Variants in NRG1 observed in about 807,000 individuals in gnomAD.
NRG1 encodes neuregulin 1.
A neutral mutation model predicts 63.8 loss-of-function variants in NRG1; 18 were observed. The observed-to-expected ratio is 0.28, with a 90% confidence interval of 0.19 to 0.42. The LOEUF is 0.42. NRG1 is among the 10% of genes least tolerant of loss of function. The pLI is 1.00. For synonymous variants in NRG1, 302 were observed against 301.3 expected, an observed-to-expected ratio of 1.00 and a Z score of -0.02; for missense variants, 762 against 814.7, an observed-to-expected ratio of 0.94 and a Z score of 0.79.
intron 7 of NRG1, among the ~76,000 whole-genome samples, chr8:32,748,396 G>GAGAGAT (rs1827986548): frequency 1.4e-5 from 2 of 147,030 alleles, no homozygotes; most frequent in East Asian, 2.1e-4. Context: ...GAGAGAGAGA[G>GAGAGAT]ATAAAGGAAG....
chr8:32,342,987 T>C, intron 1 of NRG1, among the ~76,000 whole-genome samples: 1 of 152,184 alleles, frequency 6.6e-6, no homozygotes, highest in East Asian at 1.9e-4. Context: ...CAAGTTGTCT[T>C]CCAGAAGTGT....
At chr8:32,563,674 A>T (rs957691809) in intron 1 of NRG1, among the ~76,000 whole-genome samples, 4 of 151,984 alleles carry the variant, frequency 2.6e-5, no homozygotes, top group Non-Finnish European at 5.9e-5. Flanking sequence ...TTTCAGAATA[A>T]TTTTTCCTCA....
chr8:32,185,874 T>C (rs1390515482), intron 1 of NRG1, among the ~76,000 whole-genome samples: 1 of 152,240 alleles, frequency 6.6e-6, no homozygotes, highest in East Asian at 1.9e-4. Context: ...TAAAAGTTAC[T>C]GAGTTTAATT....
rs372568144 is a variant in NRG1 at position 32,649,479 on chromosome 8, G to T, written c.502+32594G>T. Among the ~76,000 whole-genome samples the T allele has an allele frequency of 3.9e-5, 6 of 152,232 alleles. No individual in the cohort carries two copies. In the South Asian group the frequency reaches 1.2e-3, roughly 32 times the overall value. On this transcript the variant is annotated intron_variant, in intron 5 of 11. Coordinates refer to ENST00000356819, the Ensembl canonical transcript of NRG1. ...AGAAAAGTACAAGATCAGAAAATTT[G>T]GTTCTTAATAACTTGCATGAAAGCT...
intron 1 of NRG1, among the ~76,000 whole-genome samples, chr8:32,176,855 T>G (rs1271993002): frequency 7.2e-5 from 11 of 151,870 alleles, no homozygotes; most frequent in African/African-American, 2.7e-4. Context: ...TGTGGAGAAA[T>G]AGGAACACTT....
At chr8:31,833,456 C>T (rs1825367634) in intron 1 of NRG1, among the ~76,000 whole-genome samples, 1 of 152,184 alleles carries the variant, frequency 6.6e-6, no homozygotes, top group Admixed American at 6.5e-5. Flanking sequence ...AAGAACATCC[C>T]TGCAAAATTA....
intron 1 of NRG1, among the ~76,000 whole-genome samples, chr8:32,523,488 T>C (rs1399589734): frequency 6.6e-6 from 1 of 152,220 alleles, no homozygotes; most frequent in Non-Finnish European, 1.5e-5. Flanking sequence ...ACTTCTTTAG[T>C]GGTAATTTCT....
chr8:32,218,028 A>G (rs1056515754), intron 1 of NRG1, among the ~76,000 whole-genome samples: 2 of 152,196 alleles, frequency 1.3e-5, no homozygotes, highest in African/African-American at 4.8e-5. Flanking sequence ...TGTATACCTT[A>G]CCACCTATTT....
At chr8:32,472,846 C>A (rs950740730) in intron 1 of NRG1, among the ~76,000 whole-genome samples, 5 of 152,180 alleles carry the variant, frequency 3.3e-5, no homozygotes, top group Non-Finnish European at 7.3e-5. Context: ...GGAGTGGCAG[C>A]CATCTGGTGA....
At chr8:31,688,408 A>G (rs549334626) in intron 1 of NRG1, among the ~76,000 whole-genome samples, 41 of 152,290 alleles carry the variant, frequency 2.7e-4, no homozygotes, top group South Asian at 1.7e-3. Flanking sequence ...CCCTCACTCA[A>G]TCTGCTGGTA....
intron 1 of NRG1, among the ~76,000 whole-genome samples, chr8:32,339,228 G>A (rs1018426346): frequency 6.6e-6 from 1 of 151,936 alleles, no homozygotes; most frequent in African/African-American, 2.4e-5. Context: ...ATACACCCAT[G>A]GTGCATATTG....
chr8:31,639,368 C>T (rs1272406577), exon 1 of NRG1: 41 of 1,534,240 alleles, frequency 2.7e-5, no homozygotes, highest in Admixed American at 3.9e-5. Flanking sequence ...GACCCACTCG[C>T]GGGTCCCGCT....
intron 1 of NRG1, among the ~76,000 whole-genome samples, chr8:32,581,089 A>T (rs1204095225): frequency 6.6e-6 from 1 of 152,198 alleles, no homozygotes; most frequent in Non-Finnish European, 1.5e-5. Flanking sequence ...CTTGCCCCCT[A>T]ACCAGAATGT....
rs192229173 is a variant in NRG1 at position 32,621,149 on chromosome 8, A to G, written c.502+4264A>G. Among the ~76,000 whole-genome samples the G allele has an allele frequency of 8.3e-4, 126 of 152,148 alleles. 1 individual carries two copies. Among genetic ancestry groups the G allele is most frequent in the African/African-American group, 3.0e-3 (123 of 41,538 alleles). ...CTTTGTAAGACAATTTTTACTACTCAATTTTTGGAAATTGGAAACTTCCAT... is the reference window on the plus strand; with the variant it reads ...CTTTGTAAGACAATTTTTACTACTCGATTTTTGGAAATTGGAAACTTCCAT... On this transcript the variant is annotated intron_variant, in intron 5 of 11. Transcript: ENST00000356819.
intron 5 of NRG1, among the ~76,000 whole-genome samples, chr8:32,698,712 T>C (rs1348239701): frequency 6.6e-6 from 1 of 152,208 alleles, no homozygotes; most frequent in Non-Finnish European, 1.5e-5. Flanking sequence ...TCACATCCTC[T>C]ATGGCTTACC....
chr8:32,147,150 T>C (rs551170952), intron 1 of NRG1, among the ~76,000 whole-genome samples: 1 of 152,288 alleles, frequency 6.6e-6, no homozygotes, highest in South Asian at 2.1e-4. Context: ...TCTTGTTCTG[T>C]TGATATAAGC....
chr8:32,279,154 C>T (rs377271974), intron 1 of NRG1, among the ~76,000 whole-genome samples: 1 of 152,138 alleles, frequency 6.6e-6, no homozygotes, highest in African/African-American at 2.4e-5. Flanking sequence ...GCAGAGCTGG[C>T]GTTTATGTTG....
intron 1 of NRG1, among the ~76,000 whole-genome samples, chr8:32,053,502 A>G (rs1345884152): frequency 1.3e-5 from 2 of 152,210 alleles, no homozygotes; most frequent in African/African-American, 4.8e-5. Flanking sequence ...CTTAACAACC[A>G]GGATGAGGGG....
chr8:32,486,639 T>G (rs921678011), intron 1 of NRG1, among the ~76,000 whole-genome samples: 1 of 151,990 alleles, frequency 6.6e-6, no homozygotes, highest in Middle Eastern at 3.4e-3. Context: ...TTTTTTTTTT[T>G]TTTGGAATGG....
Sources: allele counts gnomAD v4.1 joint callset (sites outside exome capture counted in the v4.1 genomes callset), GRCh38; gene constraint gnomAD v4.1.1; transcripts MANE v1.5; gene names NCBI Gene and HGNC (gene_info 2026-07-23, HGNC 2026-07-21).